The following TRPM3 variants were observed in gnomAD, a reference collection of about 807,000 sequenced individuals.
The protein encoded by TRPM3 is transient receptor potential cation channel subfamily M member 3, also known as long transient receptor potential channel 3.
TRPM3 carries 77 observed loss-of-function variants against 181.2 expected under a neutral mutation model. That is an observed-to-expected ratio of 0.42 (90% confidence interval 0.35 to 0.51). The LOEUF (loss-of-function observed/expected upper bound fraction) is 0.51. Ranked by LOEUF, TRPM3 falls within the 20% of genes least tolerant of loss-of-function variation. TRPM3 has a pLI of 0.01. For missense variants in TRPM3, 1,759 were observed against 2,196.7 expected (o/e 0.80, Z 3.98); for synonymous variants, 745 against 796.4 (o/e 0.94, Z 1.09).
At chr9:70,936,188 A>T (rs1157774502) in intron 1 of TRPM3, among the ~76,000 whole-genome samples, 1 of 152,246 alleles carries the variant, frequency 6.6e-6, no homozygotes, top group African/African-American at 2.4e-5. Flanking sequence ...TGTAAGTTTA[A>T]TAAATGCAGT....
At chr9:71,034,989 T>G (rs1279688534) in intron 1 of TRPM3, among the ~76,000 whole-genome samples, 1 of 152,150 alleles carries the variant, frequency 6.6e-6, no homozygotes, top group Non-Finnish European at 1.5e-5. Flanking sequence ...CAAAATATCT[T>G]AACACTGTTT....
chr9:71,316,256 T>C (rs1192866314), intron 1 of TRPM3, among the ~76,000 whole-genome samples: 1 of 152,172 alleles, frequency 6.6e-6, no homozygotes, highest in Non-Finnish European at 1.5e-5. Context: ...GTTCTTCTCT[T>C]GAAGACCATA....
At chr9:70,553,787 G>C (rs1000642568) in intron 22 of TRPM3, among the ~76,000 whole-genome samples, 2 of 152,214 alleles carry the variant, frequency 1.3e-5, no homozygotes, top group African/African-American at 4.8e-5. Context: ...CAGGGCAGCT[G>C]TTAATTGCTG....
intron 19 of TRPM3, among the ~76,000 whole-genome samples, chr9:70,608,225 C>T (rs1023378807): frequency 6.6e-6 from 1 of 152,192 alleles, no homozygotes; most frequent in African/African-American, 2.4e-5. Flanking sequence ...TGGAAGACTG[C>T]CCAATTCACG....
At position 71,335,102 on chromosome 9, in the gene TRPM3, A is replaced by C. The variant is rs1588545195; in HGVS notation, c.183+111551T>G. Reference sequence around the variant, plus strand: ...GAAGGAGATCACGGGTAACCAAAAAATTATGGATAAAAGCAACTGTAATCA... The same window carrying C: ...GAAGGAGATCACGGGTAACCAAAAACTTATGGATAAAAGCAACTGTAATCA... On this transcript the variant is annotated intron_variant, in intron 1 of 24. Coordinates refer to the TRPM3 transcript ENST00000357533. 2.0e-5 allele frequency among the ~76,000 whole-genome samples: 3 copies of C among 152,316 alleles called. No individual in the cohort carries two copies. In the South Asian group the frequency reaches 6.2e-4, roughly 32 times the overall value.
At chr9:71,125,181 G>A (rs746561731), upstream of TRPM3, among the ~76,000 whole-genome samples, 1 of 152,038 alleles carries the variant, frequency 6.6e-6, no homozygotes, top group Non-Finnish European at 1.5e-5. Flanking sequence ...ATTTTGTTGT[G>A]CTTTGAATTT....
intron 5 of TRPM3, among the ~76,000 whole-genome samples, chr9:70,835,473 C>T (rs1490286547): frequency 6.6e-6 from 1 of 152,008 alleles, no homozygotes; most frequent in Non-Finnish European, 1.5e-5. Flanking sequence ...CCCTTGCCAC[C>T]CTGAGTCCTC....
chr9:71,112,612 C>A (rs1199084654), intron 1 of TRPM3, among the ~76,000 whole-genome samples: 1 of 152,166 alleles, frequency 6.6e-6, no homozygotes, highest in Admixed American at 6.5e-5. Context: ...TTTACCTATT[C>A]AGATATAATT....
chr9:70,600,484 C>T (rs2132693776), intron 20 of TRPM3, among the ~76,000 whole-genome samples: 1 of 152,092 alleles, frequency 6.6e-6, no homozygotes, highest in South Asian at 2.1e-4. Flanking sequence ...CCCTATTTTT[C>T]ACAGGCAGTG....
At chr9:71,119,020 C>G (rs1030484827) in intron 1 of TRPM3, among the ~76,000 whole-genome samples, 7 of 152,076 alleles carry the variant, frequency 4.6e-5, no homozygotes, top group African/African-American at 1.7e-4. Flanking sequence ...AAACATACAA[C>G]AATCCATAGG....
chr9:71,004,024 T>C (rs2097647040), intron 1 of TRPM3, among the ~76,000 whole-genome samples: 1 of 152,230 alleles, frequency 6.6e-6, no homozygotes, highest in South Asian at 2.1e-4. Flanking sequence ...TCCACTAGTC[T>C]ACTCTGGTCA....
intron 1 of TRPM3, among the ~76,000 whole-genome samples, chr9:70,982,715 T>C (rs906201673): frequency 7.2e-5 from 11 of 152,206 alleles, no homozygotes; most frequent in African/African-American, 2.2e-4. Context: ...TTGTTGTTTT[T>C]GTTGAGATGG....
intron 1 of TRPM3, among the ~76,000 whole-genome samples, chr9:71,011,902 G>T (rs745637076): frequency 2.7e-5 from 4 of 149,498 alleles, no homozygotes; most frequent in Non-Finnish European, 5.9e-5. Context: ...CACCTCAGCC[G>T]CCCGAGCAAC....
At chr9:70,814,150 G>A (rs1225972898) in intron 6 of TRPM3, among the ~76,000 whole-genome samples, 1 of 152,180 alleles carries the variant, frequency 6.6e-6, no homozygotes, top group Non-Finnish European at 1.5e-5. Context: ...AAAAGCTGAA[G>A]AAGTTTGACA....
intron 1 of TRPM3, among the ~76,000 whole-genome samples, chr9:70,946,703 C>T (rs2096937218): frequency 6.6e-6 from 1 of 151,974 alleles, no homozygotes; most frequent in African/African-American, 2.4e-5. Flanking sequence ...CCCGAAATCC[C>T]TCCTCATCCT....
chr9:70,634,968 C>T (rs1347028722), intron 12 of TRPM3, among the ~76,000 whole-genome samples: 1 of 152,074 alleles, frequency 6.6e-6, no homozygotes, highest in Non-Finnish European at 1.5e-5. Flanking sequence ...TACCCAAAAG[C>T]ATTATGTCCA....
intron 1 of TRPM3, among the ~76,000 whole-genome samples, chr9:71,024,254 T>TA (rs2134554624): frequency 6.6e-6 from 1 of 152,328 alleles, no homozygotes; most frequent in East Asian, 1.9e-4. Flanking sequence ...TATATACATG[T>TA]GTATGTATAT....
intron 1 of TRPM3, among the ~76,000 whole-genome samples, chr9:71,174,727 T>C (rs563100884): frequency 1.3e-5 from 2 of 152,128 alleles, no homozygotes; most frequent in African/African-American, 4.8e-5. Context: ...AAAGAAGCCA[T>C]CGGGTATCTG....
intron 8 of TRPM3, among the ~76,000 whole-genome samples, chr9:70,744,130 C>T (rs2074688737): frequency 6.6e-6 from 1 of 151,920 alleles, no homozygotes; most frequent in African/African-American, 2.4e-5. Flanking sequence ...GAGTTCGAGA[C>T]CAGCCTGGAC....
Sources: allele counts gnomAD v4.1 joint callset (sites outside exome capture counted in the v4.1 genomes callset), GRCh38; gene constraint gnomAD v4.1.1; transcripts MANE v1.5; gene names NCBI Gene and HGNC (gene_info 2026-07-23, HGNC 2026-07-21).